Variants in APBB2 observed in about 807,000 individuals in gnomAD.
The protein encoded by APBB2 is amyloid beta precursor protein binding family B member 2, also known as Fe65-like 1.
A neutral mutation model predicts 82.5 loss-of-function variants in APBB2; 38 were observed. That is an observed-to-expected ratio of 0.46 (90% CI 0.36 to 0.60). The LOEUF is 0.60. Ranked by LOEUF, APBB2 falls within the 20% of genes least tolerant of loss-of-function variation. The pLI, the probability that APBB2 is intolerant of heterozygous loss-of-function variation, is 0.00. For missense variants in APBB2, 772 were observed against 972.3 expected (o/e 0.79, Z 2.74); for synonymous variants, 341 against 368.2 (o/e 0.93, Z 0.85).
intron 12 of APBB2, among the ~76,000 whole-genome samples, chr4:40,839,076 A>C (rs145244912): frequency 5.3e-5 from 8 of 151,952 alleles, no homozygotes; most frequent in African/African-American, 1.9e-4. Flanking sequence ...TTTATATACT[A>C]TTTTTCACTT....
chr4:41,093,296 G>A (rs1008538110), intron 3 of APBB2, among the ~76,000 whole-genome samples: 13 of 152,200 alleles, frequency 8.5e-5, no homozygotes, highest in African/African-American at 3.1e-4. Context: ...GTAGTTACAA[G>A]AGCACGTGAA....
intron 2 of APBB2, among the ~76,000 whole-genome samples, chr4:41,120,241 C>T: frequency 6.6e-6 from 1 of 152,180 alleles, no homozygotes; most frequent in East Asian, 1.9e-4. Context: ...TGGAGGTTCT[C>T]TCTTTCTCTG....
intron 12 of APBB2, among the ~76,000 whole-genome samples, chr4:40,853,767 G>A (rs1010814907): frequency 9.2e-5 from 14 of 151,954 alleles, no homozygotes; most frequent in African/African-American, 3.4e-4. Context: ...GTTCCTCAGT[G>A]CTTTCTATTC....
chr4:41,203,025 C>T (rs1777072713), intron 1 of APBB2, among the ~76,000 whole-genome samples: 1 of 151,652 alleles, frequency 6.6e-6, no homozygotes. Context: ...GTTTTCTTTA[C>T]AGGAAATAAA....
chr4:40,977,454 C>G (rs1049167313), intron 6 of APBB2, among the ~76,000 whole-genome samples: 1 of 151,830 alleles, frequency 6.6e-6, no homozygotes, highest in Admixed American at 6.6e-5. Context: ...CTGGGATTAC[C>G]GGCACCCACT....
At chr4:40,961,769 T>G (rs951116752) in intron 6 of APBB2, among the ~76,000 whole-genome samples, 1 of 147,194 alleles carries the variant, frequency 6.8e-6, no homozygotes, top group African/African-American at 2.5e-5. Context: ...GGAATATAAC[T>G]TCATCGGTTA....
At chr4:41,094,983 T>A (rs1394399042) in intron 3 of APBB2, among the ~76,000 whole-genome samples, 3 of 152,110 alleles carry the variant, frequency 2.0e-5, no homozygotes, top group Non-Finnish European at 4.4e-5. Flanking sequence ...GTATAGCAAA[T>A]TAAATAAAAT....
intron 12 of APBB2, among the ~76,000 whole-genome samples, chr4:40,857,779 C>T (rs1761752202): frequency 7.2e-6 from 1 of 138,908 alleles, no homozygotes. Flanking sequence ...TGGGTTTCTA[C>T]GATCCTGATT....
chr4:41,199,469 GC>G (rs1776151034), intron 1 of APBB2, among the ~76,000 whole-genome samples: 3 of 152,282 alleles, frequency 2.0e-5, no homozygotes, highest in Admixed American at 2.0e-4. Context: ...CTGCCTACCT[GC>G]CCACTGCTAA....
chr4:41,169,506 A>G (rs951131762), intron 1 of APBB2, among the ~76,000 whole-genome samples: 1 of 152,230 alleles, frequency 6.6e-6, no homozygotes, highest in Non-Finnish European at 1.5e-5. Context: ...CCAATTTTGA[A>G]CCAAATGAAT....
chr4:41,081,240 C>T (rs540561105), intron 3 of APBB2, among the ~76,000 whole-genome samples: 1 of 152,290 alleles, frequency 6.6e-6, no homozygotes, highest in African/African-American at 2.4e-5. Flanking sequence ...CACAACAGGA[C>T]AGTGATTCTG....
At position 40,962,082 on chromosome 4, in the gene APBB2, C is replaced by A. The variant is rs73244031; in HGVS notation, c.836-17009G>T. Among the ~76,000 whole-genome samples, 1,004 of 152,278 alleles carry A rather than the reference C, an allele frequency of 6.6e-3. 3 individuals are homozygous for A. The highest frequency in any genetic ancestry group is 0.01 in the Non-Finnish European group (695 of 68,018). ...ACAAAATGGCAAAACCAATTAGCTG[C>A]CACACACCTGTGGAATAGCTTGGTT... On this transcript the variant is annotated intron_variant, in intron 6 of 17. Transcript: ENST00000508593.
chr4:40,885,848 A>G (rs945102082), intron 12 of APBB2, among the ~76,000 whole-genome samples: 1 of 152,176 alleles, frequency 6.6e-6, no homozygotes, highest in African/African-American at 2.4e-5. Flanking sequence ...TTTCTTGCAG[A>G]GTCCTAGTGC....
intron 13 of APBB2, among the ~76,000 whole-genome samples, chr4:40,829,648 A>C (rs1751184595): frequency 1.3e-5 from 2 of 151,758 alleles, no homozygotes; most frequent in African/African-American, 4.8e-5. Flanking sequence ...CCTCCTGAAA[A>C]GCAAGAGACT....
intron 4 of APBB2, among the ~76,000 whole-genome samples, chr4:41,054,789 G>A (rs1727258660): frequency 1.3e-5 from 2 of 152,056 alleles, no homozygotes; most frequent in African/African-American, 4.8e-5. Context: ...GCTTTGAGGT[G>A]CAGCTCGCTA....
At chr4:40,918,360 G>C (rs766146627) in intron 10 of APBB2, among the ~76,000 whole-genome samples, 2 of 152,246 alleles carry the variant, frequency 1.3e-5, no homozygotes, top group Non-Finnish European at 2.9e-5. Context: ...ACACATGCTT[G>C]AGTGCCACTG....
intron 6 of APBB2, among the ~76,000 whole-genome samples, chr4:40,984,495 G>A (rs1260821120): frequency 6.6e-6 from 1 of 152,140 alleles, no homozygotes; most frequent in Non-Finnish European, 1.5e-5. Context: ...GAAGGGTGGG[G>A]GGTCAGGGAG....
chr4:41,008,972 A>G (rs16852682), intron 6 of APBB2, among the ~76,000 whole-genome samples: 7,004 of 152,336 alleles, frequency 0.046, 345 homozygotes, highest in African/African-American at 0.13. Context: ...AACAGTTACT[A>G]CACAAGATCC....
intron 1 of APBB2, among the ~76,000 whole-genome samples, chr4:41,163,554 C>A (rs1380218490): frequency 6.6e-6 from 1 of 152,082 alleles, no homozygotes; most frequent in Non-Finnish European, 1.5e-5. Flanking sequence ...AAAAATTATC[C>A]CTATAGTTCC....
Sources: gnomAD v4.1 joint callset for allele counts (sites outside exome capture counted in the v4.1 genomes callset) on GRCh38, gnomAD v4.1.1 for gene constraint, MANE v1.5 for transcripts, NCBI Gene and HGNC (gene_info 2026-07-23, HGNC 2026-07-21) for gene names.